The following BLTP1 variants were observed in gnomAD, a reference collection of about 807,000 sequenced individuals.
BLTP1 encodes bridge-like lipid transfer protein family member 1, also known as fragile site-associated protein.
the BLTP1 span, among the ~76,000 whole-genome samples, chr4:122,282,293 T>C: frequency 1.3e-5 from 2 of 152,194 alleles, no homozygotes; most frequent in African/African-American, 2.4e-5. Context: ...AATTAAGTAC[T>C]GTGAACTCAC....
chr4:122,162,690 G>T, the BLTP1 span: 1 of 980,486 alleles, frequency 1.0e-6, no homozygotes, highest in South Asian at 4.7e-5. Flanking sequence ...AAAAATAGAA[G>T]AGGAAAAGGG....
chr4:122,356,628 C>T, the BLTP1 span: 3 of 1,611,476 alleles, frequency 1.9e-6, no homozygotes, highest in Non-Finnish European at 2.5e-6. Flanking sequence ...CAGATGCCAG[C>T]CTGAAGCCAA....
At chr4:122,261,896 T>C in the BLTP1 span, 30 of 985,284 alleles carry the variant, frequency 3.0e-5, no homozygotes, top group Non-Finnish European at 3.6e-5. Context: ...TGGGAGGGCA[T>C]TGAAAAGGGA....
chr4:122,286,613 A>G, the BLTP1 span: 2 of 1,614,100 alleles, frequency 1.2e-6, no homozygotes, highest in Non-Finnish European at 1.7e-6. Flanking sequence ...TCTGCCACAG[A>G]TATGTCAACC....
the BLTP1 span, chr4:122,250,652 G>A: frequency 6.5e-6 from 9 of 1,374,708 alleles, no homozygotes; most frequent in Non-Finnish European, 9.1e-6. Flanking sequence ...TTCAAAATTA[G>A]TTTCTGGAGT....
the BLTP1 span, among the ~76,000 whole-genome samples, chr4:122,327,016 C>T: frequency 2.6e-5 from 4 of 151,760 alleles, no homozygotes; most frequent in Non-Finnish European, 5.9e-5. Context: ...TTACCTTGCA[C>T]ATTAAACTTT....
the BLTP1 span, among the ~76,000 whole-genome samples, chr4:122,212,358 A>G: frequency 6.6e-6 from 1 of 152,146 alleles, no homozygotes; most frequent in Non-Finnish European, 1.5e-5. Flanking sequence ...TTGACCTAAA[A>G]TGTATGTCAA....
At chr4:122,271,694 G>C in the BLTP1 span, 4 of 1,578,908 alleles carry the variant, frequency 2.5e-6, no homozygotes, top group Non-Finnish European at 2.6e-6. Flanking sequence ...AGGAATATTG[G>C]AAAAGTCTTC....
At chr4:122,227,451 A>G in the BLTP1 span, 4 of 985,168 alleles carry the variant, frequency 4.1e-6, no homozygotes, top group East Asian at 1.1e-4. Context: ...GGAGGGAGGC[A>G]TTTTCTTCCC....
the BLTP1 span, among the ~76,000 whole-genome samples, chr4:122,295,316 T>A: frequency 1.3e-5 from 2 of 151,706 alleles, no homozygotes; most frequent in Admixed American, 6.6e-5. Flanking sequence ...AATCATCAGA[T>A]TATCCAAGGC....
the BLTP1 span, chr4:122,324,594 G>C: frequency 4.4e-6 from 6 of 1,360,282 alleles, no homozygotes; most frequent in Non-Finnish European, 6.0e-6. Context: ...TTTTACCAAG[G>C]TCAACTACTT....
chr4:122,207,442 G>T, the BLTP1 span: 1 of 1,454,232 alleles, frequency 6.9e-7, no homozygotes, highest in South Asian at 1.4e-5. Flanking sequence ...ACTTAATTTT[G>T]TTTAGTTGTG....
the BLTP1 span, chr4:122,337,068 CTTAAGT>C: frequency 6.7e-7 from 1 of 1,495,414 alleles, no homozygotes; most frequent in East Asian, 2.3e-5. Context: ...AAATGTTTTT[CTTAAGT>C]TTATTTGAAC....
At chr4:122,153,050 G>GTGCT in the BLTP1 span, 1 of 985,086 alleles carries the variant, frequency 1.0e-6, no homozygotes, top group South Asian at 4.7e-5. Flanking sequence ...TTCTGAATTG[G>GTGCT]TGCTTGCTGC....
chr4:122,322,317 A>T, the BLTP1 span, among the ~76,000 whole-genome samples: 1 of 151,874 alleles, frequency 6.6e-6, no homozygotes, highest in Non-Finnish European at 1.5e-5. Flanking sequence ...GTCTACTAAT[A>T]AGTTCATCAA....
At chr4:122,246,676 G>C in the BLTP1 span, 1 of 1,609,374 alleles carries the variant, frequency 6.2e-7, no homozygotes, top group Non-Finnish European at 8.5e-7. Context: ...TTTTGTGTGT[G>C]TGTTAGGTAA....
chr4:122,227,194 C>T, the BLTP1 span: 1 of 1,007,848 alleles, frequency 9.9e-7, no homozygotes, highest in South Asian at 4.2e-5. Flanking sequence ...CTTCACATGA[C>T]ATGGTTTGCA....
the BLTP1 span, chr4:122,257,585 CT>C: frequency 8.1e-7 from 1 of 1,238,700 alleles, no homozygotes; most frequent in Non-Finnish European, 1.1e-6. Flanking sequence ...ATGTTTTTTG[CT>C]TAGATATTAT....
the BLTP1 span, chr4:122,313,005 A>G: frequency 2.4e-6 from 1 of 414,952 alleles, no homozygotes; most frequent in African/African-American, 2.2e-5. Flanking sequence ...GTTGAATTTA[A>G]TTAACATCTT....
Sources: gnomAD v4.1 joint callset for allele counts (sites outside exome capture counted in the v4.1 genomes callset) on GRCh38, gnomAD v4.1.1 for gene constraint, MANE v1.5 for transcripts, NCBI Gene and HGNC (gene_info 2026-07-23, HGNC 2026-07-21) for gene names.